Variants in SRCIN1 observed in about 807,000 individuals in gnomAD.
SRCIN1 encodes P130Cas-associated protein.
Under a neutral mutation model 116.2 loss-of-function variants are expected in SRCIN1, and 50 were observed. The observed-to-expected ratio is 0.43, with a 90% confidence interval of 0.34 to 0.54. SRCIN1 has a LOEUF of 0.54. SRCIN1 is among the 20% of genes least tolerant of loss of function. The pLI, the probability that SRCIN1 is intolerant of heterozygous loss-of-function variation, is 0.02. For missense variants in SRCIN1, 1,446 were observed against 1,672.0 expected (o/e 0.86, Z 2.36); for synonymous variants, 736 against 750.0 (o/e 0.98, Z 0.30).
chr17:38,554,843 T>C (rs1360391023), intron 11 of SRCIN1, among the ~76,000 whole-genome samples: 2 of 152,258 alleles, frequency 1.3e-5, no homozygotes, highest in Non-Finnish European at 2.9e-5. Flanking sequence ...AATCCCATTG[T>C]TGGATTTCAG....
At chr17:38,547,180 G>C (rs1386741647) in intron 17 of SRCIN1, among the ~76,000 whole-genome samples, 6 of 152,246 alleles carry the variant, frequency 3.9e-5, no homozygotes, top group Non-Finnish European at 5.9e-5. Flanking sequence ...CTGTCCAAGA[G>C]GGCATCGTAG....
At chr17:38,579,593 C>T (rs769971182) in intron 1 of SRCIN1, among the ~76,000 whole-genome samples, 7 of 152,186 alleles carry the variant, frequency 4.6e-5, no homozygotes, top group Non-Finnish European at 1.0e-4. Flanking sequence ...CCACCTCTCC[C>T]CTCCCTTCTT....
chr17:38,573,480 G>A (rs1036805782), intron 2 of SRCIN1, among the ~76,000 whole-genome samples: 1 of 152,194 alleles, frequency 6.6e-6, no homozygotes, highest in Non-Finnish European at 1.5e-5. Context: ...ACACTTTCCT[G>A]GTTAATTACA....
chr17:38,603,746 G>A (rs2143481779), intron 1 of SRCIN1, among the ~76,000 whole-genome samples: 1 of 152,134 alleles, frequency 6.6e-6, no homozygotes, highest in South Asian at 2.1e-4. Flanking sequence ...CGGGGTGGAG[G>A]GGGGGTGCAT....
intron 18 of SRCIN1, chr17:38,541,245 AT>A (rs1380098207): frequency 9.3e-6 from 1 of 107,666 alleles, no homozygotes; most frequent in Non-Finnish European, 1.9e-5. Context: ...CCTCAAAAAA[AT>A]AAAATAAAAT....
At chr17:38,570,950 A>G (rs1311104130) in intron 2 of SRCIN1, among the ~76,000 whole-genome samples, 1 of 152,260 alleles carries the variant, frequency 6.6e-6, no homozygotes, top group Non-Finnish European at 1.5e-5. Context: ...TCTATAGAGC[A>G]CATGAGTGAA....
intron 1 of SRCIN1, among the ~76,000 whole-genome samples, chr17:38,588,592 GTCTTC>G (rs1908271184): frequency 6.6e-6 from 1 of 152,202 alleles, no homozygotes; most frequent in Non-Finnish European, 1.5e-5. Flanking sequence ...CTGCCAGGGC[GTCTTC>G]TCCCCAGGGG....
intron 1 of SRCIN1, among the ~76,000 whole-genome samples, chr17:38,582,496 GCA>G (rs1907881058): frequency 1.3e-5 from 2 of 152,242 alleles, no homozygotes; most frequent in Non-Finnish European, 2.9e-5. Context: ...TGAGCAGCCT[GCA>G]CAGACAGGGA....
chr17:38,590,413 C>T (rs1237127236), intron 1 of SRCIN1, among the ~76,000 whole-genome samples: 1 of 152,162 alleles, frequency 6.6e-6, no homozygotes, highest in East Asian at 1.9e-4. Flanking sequence ...TTTTTGTATT[C>T]TTAATAGAGA....
In SRCIN1 at chr17:38,605,798, CGGGGCGCGGTGCCAGGCGGGCGGGCCG is replaced by C. The variant is rs1329884503; in HGVS notation, c.-120_-94del. ...CGGGCTCCTCGCTCGGCCCCAGCCC[CGGGGCGCGGTGCCAGGCGGGCGGGCCG>C]GGGGCGCGGGCCCCGCCGGGGTGGA... On this transcript the variant is annotated 5_prime_UTR_variant, in exon 1 of 19. Coordinates refer to ENST00000617146, the MANE Select transcript of SRCIN1 (RefSeq NM_025248.3). 5.0e-5 allele frequency: 25 copies of C among 496,188 alleles called. No homozygotes were observed. The highest frequency in any genetic ancestry group is 6.1e-5 in the Non-Finnish European group (23 of 374,922). The allele number at this position is 496,188 out of a possible 1,614,324, so 30.7% of individuals were successfully genotyped here.
chr17:38,560,083 C>A lies in SRCIN1; in HGVS notation c.1808G>T (p.Gly603Val). The change falls in exon 9 of 19, where the codon GGC (glycine) becomes GTC (valine). Residue 603 changes from glycine (G) to valine (V), a missense_variant. Physicochemically the swap from Gly to Val is moderately radical, Grantham distance 109. Coordinates refer to ENST00000617146, the MANE Select transcript of SRCIN1 (RefSeq NM_025248.3). Reference protein sequence around the residue: ...EPETPSEKIEGSNGAATPSAP... With the variant: ...EPETPSEKIEVSNGAATPSAP... ...TGAGGGGGTGGCTGCTCCATTGGAG[C>A]CTTCAATCTTCTCGCTGTGGCACAG... The A allele has an allele frequency of 6.4e-7, 1 of 1,554,264 alleles. No individual in the cohort carries two copies. Among genetic ancestry groups the A allele is most frequent in the Non-Finnish European group, 8.7e-7 (1 of 1,149,112 alleles).
intron 18 of SRCIN1, among the ~76,000 whole-genome samples, chr17:38,534,062 G>T (rs532935450): frequency 6.6e-6 from 1 of 152,188 alleles, no homozygotes; most frequent in African/African-American, 2.4e-5. Flanking sequence ...TGCATGCCCT[G>T]CAAGCACTTG....
In SRCIN1 at chr17:38,552,438, C is replaced by G. The variant is rs548189766; in HGVS notation, c.2480+9G>C. 1.2e-4 allele frequency: 195 copies of G among 1,597,960 alleles called. 1 individual carries two copies. In the South Asian group the frequency reaches 1.8e-3, roughly 15 times the overall value. ...CCCATGGGAAATCAGAGGTCAGGGA[C>G]AGAATGACCTTCGGATCTGGGCCAG... On this transcript the variant is annotated intron_variant, in intron 13 of 18. Coordinates refer to ENST00000617146, the MANE Select transcript of SRCIN1 (RefSeq NM_025248.3). This position sits in a 1 kb window ranked among gnomAD's most constrained non-coding sequence, Gnocchi z 5.3.
Position 38,558,478 on chromosome 17 carries a change from G to A in SRCIN1, c.2026-76C>T. Reference sequence around the variant, plus strand: ...GGCAGGGGAAGGGCCGGGAGAAGGCGGGTAGAGGACTGCCCAATCCAGGGC... The same window carrying A: ...GGCAGGGGAAGGGCCGGGAGAAGGCAGGTAGAGGACTGCCCAATCCAGGGC... On this transcript the variant is annotated intron_variant, in intron 10 of 18. Coordinates refer to ENST00000617146, the MANE Select transcript of SRCIN1 (RefSeq NM_025248.3). The surrounding 1 kb of genome is among the most constrained non-coding windows in gnomAD (Gnocchi z 4.6). The A allele has an allele frequency of 6.7e-7, 1 of 1,503,288 alleles. No individual in the cohort carries two copies. The allele number at this position is 1,503,288 out of a possible 1,614,324, so 93.1% of individuals were successfully genotyped here.
At position 38,579,944 on chromosome 17, in the gene SRCIN1, G is replaced by A. The variant is rs188519654; in HGVS notation, c.23-1153C>T. On this transcript the variant is annotated intron_variant, in intron 1 of 18. Transcript: ENST00000617146. The stretch of plus-strand genomic sequence containing the variant: ...CAGAAGTCAGTCCATAGGGAGACAA[G>A]CACAGCCTCTCCTGCACACCCCAGC... 4.0e-3 allele frequency among the ~76,000 whole-genome samples: 612 copies of A among 152,290 alleles called. 7 individuals carry two copies. Among genetic ancestry groups the A allele is most frequent in the Non-Finnish European group, 3.0e-3 (205 of 68,008 alleles).
chr17:38,552,859 C>T lies in SRCIN1; in HGVS notation c.2202-4G>A, dbSNP rs1567859485. 3.7e-6 allele frequency: 6 copies of T among 1,613,432 alleles called. No homozygotes were observed. In the East Asian group the frequency reaches 1.3e-4, roughly 36 times the overall value. On this transcript the variant is annotated splice_polypyrimidine_tract_variant and splice_region_variant and intron_variant, in intron 11 of 18. Coordinates refer to ENST00000617146, the MANE Select transcript of SRCIN1 (RefSeq NM_025248.3). The surrounding 1 kb of genome is among the most constrained non-coding windows in gnomAD (Gnocchi z 5.3). ...CTCCACCGATTTCTCCAGGTCACTG[C>T]AGCCACAGAGAGACCCTTTCAGCCC...
chr17:38,546,209 C>A (rs1388829329), intron 17 of SRCIN1, among the ~76,000 whole-genome samples: 1 of 152,260 alleles, frequency 6.6e-6, no homozygotes, highest in African/African-American at 2.4e-5. Flanking sequence ...CACACCCTTC[C>A]TCACCTTCAG....
rs1448600758 is a variant in SRCIN1 at position 38,532,965 on chromosome 17, AAG to A, written c.*330_*331del. On this transcript the variant is annotated 3_prime_UTR_variant, in exon 19 of 19. Transcript: ENST00000617146. The surrounding 1 kb of genome is among the most constrained non-coding windows in gnomAD (Gnocchi z 4.3). ...AGGAGCTTCAGGATGGACTGGGGGA[AAG>A]AGTGGTGAAAGAGAAGAAGGAGAGA... The A allele has an allele frequency of 1.6e-5, 3 of 184,208 alleles. No homozygotes were observed. The highest frequency in any genetic ancestry group is 3.3e-5 in the Non-Finnish European group (3 of 90,030). 11.4% of individuals were successfully genotyped at this position (184,208 alleles called of 1,614,324 possible).
At position 38,552,977 on chromosome 17, in the gene SRCIN1, G is replaced by T; in HGVS notation, c.2202-122C>A. The T allele has an allele frequency of 6.9e-7, 1 of 1,455,776 alleles. No homozygotes were observed. 90.2% of individuals were successfully genotyped at this position (1,455,776 alleles called of 1,614,324 possible). On this transcript the variant is annotated intron_variant, in intron 11 of 18. Transcript: ENST00000617146. The surrounding 1 kb of genome is among the most constrained non-coding windows in gnomAD (Gnocchi z 5.3). ...GGATCGAAAGTAAAAGCAGGAGGCT[G>T]GGCACCGTGGCTCACGCCCGTAATC... is the stretch of plus-strand genomic sequence containing the variant.
Sources: allele counts gnomAD v4.1 joint callset (sites outside exome capture counted in the v4.1 genomes callset), GRCh38; gene constraint gnomAD v4.1.1; non-coding constraint Gnocchi (gnomAD v3.1); transcripts MANE v1.5; gene names NCBI Gene and HGNC (gene_info 2026-07-23, HGNC 2026-07-21).